ARL5A: variants seen among roughly 807,000 people sequenced by gnomAD.
ARL5A encodes ADP-ribosylation factor-like protein 5A.
A neutral mutation model predicts 25.9 loss-of-function variants in ARL5A; 18 were observed. The observed-to-expected ratio is 0.69, with a 90% CI of 0.48 to 1.03. The LOEUF is 1.03. ARL5A is among the 50% of genes least tolerant of loss of function. ARL5A has a pLI of 0.00. For missense variants in ARL5A, 170 were observed against 211.9 expected (o/e 0.80, Z 1.23); for synonymous variants, 61 against 67.5 (o/e 0.90, Z 0.47).
intron 1 of ARL5A, among the ~76,000 whole-genome samples, chr2:151,821,663 G>C (rs1237167946): frequency 6.6e-6 from 1 of 152,104 alleles, no homozygotes; most frequent in African/African-American, 2.4e-5. Context: ...AGAGTGCAGT[G>C]GTGTGAGCTT....
At chr2:151,827,970 G>C (rs1401454795) in intron 1 of ARL5A, 161 bp downstream of exon 1, 1 of 671,050 alleles carries the variant, frequency 1.5e-6, no homozygotes, top group East Asian at 3.3e-5. Flanking sequence ...CTCGGGAGCC[G>C]GGACCGAACC....
chr2:151,818,708 C>T (rs952898023), intron 1 of ARL5A, among the ~76,000 whole-genome samples: 7 of 152,116 alleles, frequency 4.6e-5, no homozygotes, highest in African/African-American at 9.7e-5. Context: ...TTTCTATGTC[C>T]CAAAATTAAG....
At chr2:151,827,883 A>T in intron 1 of ARL5A, 1 of 524,832 alleles carries the variant, frequency 1.9e-6, no homozygotes, top group Non-Finnish European at 3.3e-6. Context: ...AAATCGGAGC[A>T]ATGGGTCTAT....
At chr2:151,824,872 T>C (rs934704423) in intron 1 of ARL5A, among the ~76,000 whole-genome samples, 12 of 152,196 alleles carry the variant, frequency 7.9e-5, no homozygotes, top group African/African-American at 2.9e-4. Flanking sequence ...TCTATCACTT[T>C]TACCTATAGT....
At position 151,828,206 on chromosome 2, in the gene ARL5A, C is replaced by A. The variant is rs746123936; in HGVS notation, c.-30G>T. The A allele has an allele frequency of 2.5e-6, 4 of 1,600,414 alleles. No homozygotes were observed. The highest frequency in any genetic ancestry group is 3.4e-6 in the Non-Finnish European group (4 of 1,171,608). ...GGGCAGCGGACCCCCCCCCTCCAGACACCCGGGCCGCCTGGCTTCCCCCGG... is the reference window on the plus strand; with the variant it reads ...GGGCAGCGGACCCCCCCCCTCCAGAAACCCGGGCCGCCTGGCTTCCCCCGG... On this transcript the variant is annotated 5_prime_UTR_variant, in exon 1 of 6. Transcript: ENST00000295087.
intron 4 of ARL5A, 125 bp downstream of exon 4, chr2:151,812,232 G>A (rs1346020123): frequency 1.8e-6 from 1 of 565,070 alleles, no homozygotes; most frequent in South Asian, 2.9e-5. Flanking sequence ...TGAGCAGTGT[G>A]GCCCGCAAAT....
intron 5 of ARL5A, among the ~76,000 whole-genome samples, chr2:151,806,612 A>C (rs1192166222): frequency 1.3e-5 from 2 of 152,148 alleles, no homozygotes; most frequent in African/African-American, 4.8e-5. Context: ...TTCCATGTTC[A>C]GTAGGTTTAT....
intron 3 of ARL5A, among the ~76,000 whole-genome samples, chr2:151,813,101 A>T (rs2099831064): frequency 6.6e-6 from 1 of 152,214 alleles, no homozygotes; most frequent in Non-Finnish European, 1.5e-5. Context: ...AGAGATCAGC[A>T]GGAACAGATG....
chr2:151,814,748 A>G (rs76536677), intron 2 of ARL5A, among the ~76,000 whole-genome samples: 181 of 151,886 alleles, frequency 1.2e-3, no homozygotes, highest in Non-Finnish European at 2.1e-3. Flanking sequence ...ATATTCATAT[A>G]TATCTTATAA....
chr2:151,810,744 C>T (rs1010408313), intron 4 of ARL5A, among the ~76,000 whole-genome samples: 1 of 152,058 alleles, frequency 6.6e-6, no homozygotes, highest in Non-Finnish European at 1.5e-5. Flanking sequence ...TACTACTGGG[C>T]TCTTCATATA....
intron 1 of ARL5A, among the ~76,000 whole-genome samples, chr2:151,818,469 A>G (rs1482977152): frequency 1.3e-5 from 2 of 152,126 alleles, no homozygotes; most frequent in East Asian, 3.9e-4. Flanking sequence ...TAGAGATGGG[A>G]TGTCCCTGTG....
chr2:151,828,198 CCTCCAGACA>C lies in ARL5A; in HGVS notation c.-31_-23del. On this transcript the variant is annotated 5_prime_UTR_variant, in exon 1 of 6. Transcript: ENST00000295087. ...CCATTCTCGGGCAGCGGACCCCCCC[CCTCCAGACA>C]CCCGGGCCGCCTGGCTTCCCCCGGC... The C allele has an allele frequency of 6.2e-7, 1 of 1,600,546 alleles. No individual in the cohort carries two copies. The highest frequency in any genetic ancestry group is 1.1e-5 in the South Asian group (1 of 90,318).
chr2:151,808,019 A>G (rs924548812), intron 4 of ARL5A, among the ~76,000 whole-genome samples: 2 of 152,202 alleles, frequency 1.3e-5, no homozygotes, highest in Non-Finnish European at 2.9e-5. Context: ...GACTTCCTTG[A>G]TAATCTGTTC....
At chr2:151,821,974 C>T (rs530132031) in intron 1 of ARL5A, among the ~76,000 whole-genome samples, 4 of 151,930 alleles carry the variant, frequency 2.6e-5, no homozygotes, top group South Asian at 2.1e-4. Flanking sequence ...CTCAGCCTCC[C>T]GAGTAGCTGG....
chr2:151,826,884 A>T lies in ARL5A; in HGVS notation c.46+1247T>A, dbSNP rs1008334584. 2.0e-5 allele frequency among the ~76,000 whole-genome samples: 3 copies of T among 152,350 alleles called. No homozygotes were observed. In the East Asian group the frequency reaches 5.8e-4, roughly 29 times the overall value. ...TTTATGAAAAATCCTCTTATCAGAA[A>T]AATTGATACTGCCCTTTCTTTCGGT... is the stretch of plus-strand genomic sequence containing the variant. On this transcript the variant is annotated intron_variant, in intron 1 of 5. Transcript: ENST00000295087.
intron 1 of ARL5A, among the ~76,000 whole-genome samples, chr2:151,822,013 C>T (rs1409810121): frequency 2.0e-5 from 3 of 151,938 alleles, no homozygotes; most frequent in African/African-American, 7.3e-5. Flanking sequence ...CCACGCCCAG[C>T]TAATTTTTGT....
intron 1 of ARL5A, among the ~76,000 whole-genome samples, chr2:151,816,318 C>A (rs1405167850): frequency 2.0e-5 from 3 of 152,146 alleles, no homozygotes; most frequent in African/African-American, 7.2e-5. Flanking sequence ...AATAAAGAAG[C>A]CATCTTGGAC....
rs1578367576 is a variant in ARL5A at position 151,799,201 on chromosome 2, A to G, written c.*4075T>C. 1 of 152,214 alleles carries G rather than the reference A, an allele frequency of 6.6e-6. No homozygotes were observed. Among genetic ancestry groups the G allele is most frequent in the South Asian group, 2.1e-4 (1 of 4,834 alleles). 9.4% of individuals were successfully genotyped at this position (152,214 alleles called of 1,614,324 possible). On this transcript the variant is annotated 3_prime_UTR_variant, in exon 6 of 6. Coordinates refer to ENST00000295087, the MANE Select transcript of ARL5A (RefSeq NM_012097.4). ...TTTGTGTAAGTGGAGCTTCAAAGAC[A>G]TATTTCTCTATCTGCATTTACAGTC...
rs1316650057 is a variant in ARL5A at position 151,827,985 on chromosome 2, C to T, written c.46+146G>A. On this transcript the variant is annotated intron_variant, in intron 1 of 5. Transcript: ENST00000295087. Reference sequence around the variant, plus strand: ...CTCGGGAGCCGGGACCGAACCGTCCCGGGCCCGTATCCGCGCAGCCTGCAC... The same window carrying T: ...CTCGGGAGCCGGGACCGAACCGTCCTGGGCCCGTATCCGCGCAGCCTGCAC... 6 of 795,892 alleles carry T rather than the reference C, an allele frequency of 7.5e-6. No individual in the cohort carries two copies. The East Asian group carries it at 1.8e-4, about 24-fold the overall frequency. The allele number at this position is 795,892 out of a possible 1,614,324, so 49.3% of individuals were successfully genotyped here.
Sources: allele counts gnomAD v4.1 joint callset (sites outside exome capture counted in the v4.1 genomes callset), GRCh38; gene constraint gnomAD v4.1.1; transcripts MANE v1.5; gene names NCBI Gene and HGNC (gene_info 2026-07-23, HGNC 2026-07-21).